Variants in RPRD2 observed in about 807,000 individuals in gnomAD.
The protein encoded by RPRD2 is regulation of nuclear pre-mRNA domain containing 2, also known as regulation of nuclear pre-mRNA domain-containing protein 2.
Under a neutral mutation model 104.4 loss-of-function variants are expected in RPRD2, and 12 were observed. The observed-to-expected ratio is 0.11, with a 90% CI of 0.07 to 0.19. The LOEUF (loss-of-function observed/expected upper bound fraction) is 0.19. RPRD2 is among the 10% of genes least tolerant of loss of function. RPRD2 has a pLI of 1.00. For missense variants in RPRD2, 1,543 were observed against 1,790.1 expected (o/e 0.86, Z 2.49); for synonymous variants, 714 against 684.9 (o/e 1.04, Z -0.66).
intron 2 of RPRD2, among the ~76,000 whole-genome samples, chr1:150,434,964 T>C (rs78372713): frequency 0.033 from 5,007 of 152,310 alleles, 143 homozygotes; most frequent in East Asian, 0.11. Flanking sequence ...TTGCAGGTAA[T>C]GTGGTTGTTT....
At chr1:150,416,896 A>C (rs1553888696) in intron 1 of RPRD2, among the ~76,000 whole-genome samples, 1 of 150,824 alleles carries the variant, frequency 6.6e-6, no homozygotes, top group East Asian at 1.9e-4. Context: ...AAAAAACAAA[A>C]AGAAGAAGAA....
intron 9 of RPRD2, among the ~76,000 whole-genome samples, chr1:150,462,117 A>C (rs907331332): frequency 4.6e-5 from 7 of 152,020 alleles, no homozygotes; most frequent in Non-Finnish European, 1.0e-4. Flanking sequence ...AACCCTGTCT[A>C]CTAAAAATAC....
chr1:150,388,171 G>A (rs1661743793), intron 1 of RPRD2, among the ~76,000 whole-genome samples: 1 of 151,458 alleles, frequency 6.6e-6, no homozygotes, highest in Admixed American at 6.6e-5. Flanking sequence ...ACCCACCTTG[G>A]CCTCATATAG....
rs1397785038 is a variant in RPRD2 at position 150,411,481 on chromosome 1, C to G, written c.206-6115C>G. Among the ~76,000 whole-genome samples, 2 of 106,972 alleles carry G rather than the reference C, an allele frequency of 1.9e-5. 1 individual carries two copies. Among genetic ancestry groups the G allele is most frequent in the Non-Finnish European group, 3.7e-5 (2 of 53,774 alleles). The allele number at this position is 106,972 out of a possible 152,430, so 70.2% of individuals were successfully genotyped here. ...CTCAAAAAAAAAAACAAAAAAAAAACGAAACAAACAAAAGAAGAAGGCAGT... is the reference window on the plus strand; with the variant it reads ...CTCAAAAAAAAAAACAAAAAAAAAAGGAAACAAACAAAAGAAGAAGGCAGT... On this transcript the variant is annotated intron_variant, in intron 1 of 10. Transcript: ENST00000369068.
chr1:150,433,559 C>T (rs1039815917), intron 2 of RPRD2, among the ~76,000 whole-genome samples: 3 of 147,928 alleles, frequency 2.0e-5, no homozygotes, highest in Non-Finnish European at 4.5e-5. Context: ...ATTCTCCTGC[C>T]TCAGCCTCCC....
intron 6 of RPRD2, among the ~76,000 whole-genome samples, chr1:150,445,865 G>A (rs1415814992): frequency 6.6e-6 from 1 of 152,056 alleles, no homozygotes; most frequent in Non-Finnish European, 1.5e-5. Flanking sequence ...TCAGGAGCTC[G>A]AGACCATCCT....
chr1:150,443,026 G>A (rs1168619627), intron 4 of RPRD2, among the ~76,000 whole-genome samples: 10 of 151,932 alleles, frequency 6.6e-5, no homozygotes, highest in Non-Finnish European at 7.4e-5. Context: ...AGTAGGTTAG[G>A]TCTGTCTAAA....
At chr1:150,402,866 G>A (rs1193013482) in intron 1 of RPRD2, among the ~76,000 whole-genome samples, 1 of 152,162 alleles carries the variant, frequency 6.6e-6, no homozygotes, top group African/African-American at 2.4e-5. Context: ...TACTCGGGAG[G>A]CTGAGGCAGG....
chr1:150,428,127 T>C (rs1553890887), intron 2 of RPRD2, among the ~76,000 whole-genome samples: 2 of 152,046 alleles, frequency 1.3e-5, no homozygotes, highest in Non-Finnish European at 2.9e-5. Context: ...ATGGGAATTA[T>C]GTTAGGAGAT....
chr1:150,431,347 A>G (rs1271735730), intron 2 of RPRD2, among the ~76,000 whole-genome samples: 1 of 152,176 alleles, frequency 6.6e-6, no homozygotes, highest in African/African-American at 2.4e-5. Flanking sequence ...TTGTATAGGC[A>G]TGTTCATAGC....
chr1:150,384,639 T>TTGTGTGTGTGTG (rs71086504), intron 1 of RPRD2, among the ~76,000 whole-genome samples: 21 of 133,394 alleles, frequency 1.6e-4, no homozygotes, highest in African/African-American at 5.1e-4. Flanking sequence ...CCTGGCTAAT[T>TTGTGTGTGTGTG]TGTGTGTGTG....
chr1:150,456,500 G>T (rs1348620529), intron 7 of RPRD2, among the ~76,000 whole-genome samples: 1 of 152,044 alleles, frequency 6.6e-6, no homozygotes, highest in Non-Finnish European at 1.5e-5. Context: ...AGGGATGATG[G>T]TGTATGCCTG....
intron 1 of RPRD2, among the ~76,000 whole-genome samples, chr1:150,386,349 C>A (rs1442904920): frequency 6.6e-6 from 1 of 152,064 alleles, no homozygotes; most frequent in Non-Finnish European, 1.5e-5. Flanking sequence ...TTTTGGGAGG[C>A]CGAGGCAGGT....
At chr1:150,420,645 G>A (rs781860627) in intron 2 of RPRD2, among the ~76,000 whole-genome samples, 4 of 152,154 alleles carry the variant, frequency 2.6e-5, no homozygotes, top group Non-Finnish European at 4.4e-5. Context: ...GGCCAACATG[G>A]TGAAACCCCA....
At chr1:150,404,626 T>A (rs587760603) in intron 1 of RPRD2, among the ~76,000 whole-genome samples, 6 of 151,944 alleles carry the variant, frequency 3.9e-5, no homozygotes, top group African/African-American at 1.2e-4. Flanking sequence ...AAAAAAAAAT[T>A]TTTTTTGAAA....
At chr1:150,368,369 T>C (rs1408099517) in intron 1 of RPRD2, among the ~76,000 whole-genome samples, 2 of 151,740 alleles carry the variant, frequency 1.3e-5, no homozygotes, top group Admixed American at 6.6e-5. Context: ...CTCAGCTCAC[T>C]GCAACCTCTT....
At chr1:150,447,491 C>T (rs1458358374) in intron 7 of RPRD2, among the ~76,000 whole-genome samples, 1 of 151,648 alleles carries the variant, frequency 6.6e-6, no homozygotes, top group African/African-American at 2.4e-5. Context: ...TGTGCCACCA[C>T]ACCTAGCTAA....
intron 1 of RPRD2, among the ~76,000 whole-genome samples, chr1:150,380,764 C>A (rs1310816581): frequency 6.6e-6 from 1 of 152,156 alleles, no homozygotes; most frequent in Non-Finnish European, 1.5e-5. Flanking sequence ...AAGCGATTCT[C>A]CTGCCTCAGC....
At chr1:150,417,421 G>A (rs1489230944) in intron 1 of RPRD2, among the ~76,000 whole-genome samples, 175 bp from the exon 2 acceptor site, 1 of 151,436 alleles carries the variant, frequency 6.6e-6, no homozygotes, top group East Asian at 1.9e-4. Context: ...TTCATTTGTC[G>A]GTTTATCCAT....
Sources: gnomAD v4.1 joint callset for allele counts (sites outside exome capture counted in the v4.1 genomes callset) on GRCh38, gnomAD v4.1.1 for gene constraint, MANE v1.5 for transcripts, NCBI Gene and HGNC (gene_info 2026-07-23, HGNC 2026-07-21) for gene names.